GALNT17: variants seen among roughly 807,000 people sequenced by gnomAD.
The protein encoded by GALNT17 is polypeptide N-acetylgalactosaminyltransferase 17.
Under a neutral mutation model 63.7 loss-of-function variants are expected in GALNT17, and 29 were observed. The observed-to-expected ratio is 0.46, with a 90% CI of 0.34 to 0.62. The LOEUF is 0.62. Ranked by LOEUF, GALNT17 falls within the 20% of genes least tolerant of loss-of-function variation. The pLI is 0.01. For missense variants in GALNT17, 603 were observed against 799.6 expected (o/e 0.75, Z 2.97); for synonymous variants, 305 against 318.3 (o/e 0.96, Z 0.45).
intron 6 of GALNT17, among the ~76,000 whole-genome samples, chr7:71,627,605 A>G (rs1790392540): frequency 6.6e-6 from 1 of 152,184 alleles, no homozygotes; most frequent in African/African-American, 2.4e-5. Flanking sequence ...TTCATCTGTC[A>G]AAGAACCACA....
intron 6 of GALNT17, among the ~76,000 whole-genome samples, chr7:71,594,902 G>A (rs746047795): frequency 1.5e-4 from 23 of 152,184 alleles, no homozygotes; most frequent in Non-Finnish European, 2.6e-4. Flanking sequence ...TGGTGCTTGT[G>A]GACATGACCT....
intron 1 of GALNT17, among the ~76,000 whole-genome samples, chr7:71,314,864 C>T (rs1791473545): frequency 6.6e-6 from 1 of 152,152 alleles, no homozygotes; most frequent in Non-Finnish European, 1.5e-5. Flanking sequence ...CATGATTGCA[C>T]AGACACTGCA....
intron 5 of GALNT17, among the ~76,000 whole-genome samples, chr7:71,539,714 T>TTTC (rs1187503777): frequency 7.5e-6 from 1 of 133,942 alleles, no homozygotes; most frequent in Non-Finnish European, 1.6e-5. Context: ...CACCTTTTTT[T>TTTC]TTTTTTTTTT....
At chr7:71,578,677 A>G (rs1156779696) in intron 6 of GALNT17, among the ~76,000 whole-genome samples, 1 of 152,178 alleles carries the variant, frequency 6.6e-6, no homozygotes, top group Non-Finnish European at 1.5e-5. Flanking sequence ...GAATAGCCAA[A>G]GCCCCAGGAA....
chr7:71,671,936 G>A (rs1261102300), intron 8 of GALNT17, among the ~76,000 whole-genome samples: 5 of 151,454 alleles, frequency 3.3e-5, no homozygotes, highest in African/African-American at 1.2e-4. Context: ...GCTGAGGCAG[G>A]AGAATTGCTT....
chr7:71,661,705 C>A (rs4719162), intron 6 of GALNT17, among the ~76,000 whole-genome samples: 73,040 of 151,908 alleles, frequency 0.48, 19,029 homozygotes, highest in East Asian at 0.75. Flanking sequence ...TCACCCTGGG[C>A]TTGCTGGACC....
At chr7:71,298,885 T>C (rs1250491598) in intron 1 of GALNT17, among the ~76,000 whole-genome samples, 1 of 152,178 alleles carries the variant, frequency 6.6e-6, no homozygotes, top group Non-Finnish European at 1.5e-5. Context: ...AAGTCATAGC[T>C]GCCCGGGACA....
At position 71,187,579 on chromosome 7, in the gene GALNT17, C is replaced by G. The variant is rs192029309; in HGVS notation, c.238+54539C>G. Among the ~76,000 whole-genome samples the G allele has an allele frequency of 8.5e-5, 13 of 152,166 alleles. No homozygotes were observed. In the East Asian group the frequency reaches 2.3e-3, roughly 27 times the overall value. On this transcript the variant is annotated intron_variant, in intron 1 of 10. Transcript: ENST00000333538. ...GTTTCCTAATATTATTTCCACCTCC[C>G]CCCTCATCCACTTTTCATCGTGGAA... is the stretch of plus-strand genomic sequence containing the variant.
At chr7:71,600,566 T>G (rs1033051268) in intron 6 of GALNT17, among the ~76,000 whole-genome samples, 1 of 151,920 alleles carries the variant, frequency 6.6e-6, no homozygotes, top group African/African-American at 2.4e-5. Flanking sequence ...ACTTTATAGA[T>G]AGGAAACAGA....
intron 4 of GALNT17, among the ~76,000 whole-genome samples, chr7:71,418,292 G>C (rs1786584609): frequency 6.6e-6 from 1 of 152,126 alleles, no homozygotes; most frequent in South Asian, 2.1e-4. Flanking sequence ...TTCTACCCGG[G>C]TGGCATAGAA....
At chr7:71,398,958 C>T (rs985229122) in intron 3 of GALNT17, among the ~76,000 whole-genome samples, 2 of 152,122 alleles carry the variant, frequency 1.3e-5, no homozygotes, top group African/African-American at 4.8e-5. Flanking sequence ...GGGGGCTGGA[C>T]GTGGTGGCTC....
chr7:71,280,378 A>T (rs1790758887), intron 1 of GALNT17, among the ~76,000 whole-genome samples: 2 of 152,154 alleles, frequency 1.3e-5, no homozygotes, highest in African/African-American at 4.8e-5. Flanking sequence ...CACGTGGCTC[A>T]TTTGTGGCAT....
chr7:71,681,919 T>TTTTG (rs934785765), intron 9 of GALNT17, among the ~76,000 whole-genome samples: 4 of 151,972 alleles, frequency 2.6e-5, no homozygotes, highest in African/African-American at 7.2e-5. Flanking sequence ...TTTGTTTTGT[T>TTTTG]TTTGTTTGTT....
intron 5 of GALNT17, among the ~76,000 whole-genome samples, chr7:71,478,307 G>GT (rs1787757474): frequency 6.6e-6 from 1 of 151,886 alleles, no homozygotes; most frequent in Admixed American, 6.6e-5. Context: ...CCCCACCTTT[G>GT]TTTGTTTTGG....
At chr7:71,662,878 G>A (rs577409936) in intron 6 of GALNT17, among the ~76,000 whole-genome samples, 1 of 152,278 alleles carries the variant, frequency 6.6e-6, no homozygotes, top group African/African-American at 2.4e-5. Context: ...TCCATTTTGA[G>A]TTAATTTTTT....
At chr7:71,417,924 C>A (rs1042420552) in intron 4 of GALNT17, among the ~76,000 whole-genome samples, 1 of 152,194 alleles carries the variant, frequency 6.6e-6, no homozygotes, top group African/African-American at 2.4e-5. Context: ...TTCTCTCTAT[C>A]TTGACCACCA....
At chr7:71,239,147 A>G (rs1583788474) in intron 1 of GALNT17, among the ~76,000 whole-genome samples, 2 of 152,254 alleles carry the variant, frequency 1.3e-5, no homozygotes, top group East Asian at 3.9e-4. Context: ...TTTCCCACCC[A>G]TAGAAACTCT....
chr7:71,605,656 G>A (rs1790034523), intron 6 of GALNT17, among the ~76,000 whole-genome samples: 1 of 151,740 alleles, frequency 6.6e-6, no homozygotes, highest in African/African-American at 2.4e-5. Flanking sequence ...CAACTCAATA[G>A]TTACAATAAG....
chr7:71,300,310 CTCT>C (rs1562982927), intron 1 of GALNT17: 1 of 369,996 alleles, frequency 2.7e-6, no homozygotes, highest in African/African-American at 2.1e-5. Context: ...GGGCTTGAAG[CTCT>C]TCTTTCTAAG....
Sources: allele counts gnomAD v4.1 joint callset (sites outside exome capture counted in the v4.1 genomes callset), GRCh38; gene constraint gnomAD v4.1.1; transcripts MANE v1.5; gene names NCBI Gene and HGNC (gene_info 2026-07-23, HGNC 2026-07-21).